Variants in SNX3 observed in about 807,000 individuals in gnomAD.
The protein encoded by SNX3 is sorting nexin-3.
A neutral mutation model predicts 17.7 loss-of-function variants in SNX3; 5 were observed. The ratio of observed to expected loss-of-function variants is 0.28; its 90% confidence interval spans 0.15 to 0.59. The LOEUF (loss-of-function observed/expected upper bound fraction) is 0.59, where lower values mean the gene tolerates loss of function less well. Ranked by LOEUF, SNX3 falls within the 20% of genes least tolerant of loss-of-function variation. The probability of loss-of-function intolerance (pLI) is 0.88; values close to 1 mark genes in which losing one functional copy is unlikely to be tolerated. For synonymous variants in SNX3, 91 were observed against 76.5 expected (o/e 1.19, Z -0.99); for missense variants, 132 against 206.8 (o/e 0.64, Z 2.22).
chr6:108,229,116 C>T (rs1212435193), intron 1 of SNX3, among the ~76,000 whole-genome samples: 7 of 151,702 alleles, frequency 4.6e-5, no homozygotes, highest in Non-Finnish European at 8.8e-5. Flanking sequence ...AAACATTAGC[C>T]GGGTGAGGTG....
intron 2 of SNX3, among the ~76,000 whole-genome samples, chr6:108,216,254 A>G (rs955559075): frequency 6.6e-6 from 1 of 152,048 alleles, no homozygotes; most frequent in African/African-American, 2.4e-5. Context: ...TAATTTTTCT[A>G]TTTTTTGTGG....
intron 1 of SNX3, among the ~76,000 whole-genome samples, chr6:108,239,064 C>A (rs1401234982): frequency 6.6e-6 from 1 of 152,012 alleles, no homozygotes; most frequent in East Asian, 1.9e-4. Flanking sequence ...CCACACCCAG[C>A]TAATTTTTTT....
At chr6:108,245,696 T>C (rs1775667489) in intron 1 of SNX3, among the ~76,000 whole-genome samples, 1 of 152,250 alleles carries the variant, frequency 6.6e-6, no homozygotes, top group Non-Finnish European at 1.5e-5. Flanking sequence ...TTGCATCTAA[T>C]GACCAATGAT....
chr6:108,214,658 G>T (rs1774509620), intron 2 of SNX3, 36 bp from the exon 3 acceptor site: 2 of 1,592,396 alleles, frequency 1.3e-6, no homozygotes, highest in South Asian at 2.3e-5. Context: ...TGATCATGAT[G>T]ACTGGGTTGT....
intron 1 of SNX3, among the ~76,000 whole-genome samples, chr6:108,231,374 T>C (rs1775150418): frequency 6.6e-6 from 1 of 152,220 alleles, no homozygotes; most frequent in South Asian, 2.1e-4. Context: ...CATGAGCCAC[T>C]GCACTCAGCC....
intron 1 of SNX3, among the ~76,000 whole-genome samples, chr6:108,235,652 T>G (rs926482508): frequency 1.3e-5 from 2 of 152,136 alleles, no homozygotes; most frequent in African/African-American, 4.8e-5. Flanking sequence ...TCCCAGCATG[T>G]TGGGATGCCG....
intron 2 of SNX3, among the ~76,000 whole-genome samples, chr6:108,221,324 T>G (rs1227137600): frequency 6.6e-6 from 1 of 151,782 alleles, no homozygotes; most frequent in Non-Finnish European, 1.5e-5. Flanking sequence ...TACTATATTT[T>G]TCCTGCCTTC....
At chr6:108,212,304 G>T in intron 3 of SNX3, 50 bp from the exon 4 acceptor site, 1 of 1,282,596 alleles carries the variant, frequency 7.8e-7, no homozygotes, top group Admixed American at 2.2e-5. Flanking sequence ...CAAGGTGGGG[G>T]AGTTCAAAAC....
At chr6:108,260,046 G>T (rs771222498) in intron 1 of SNX3, among the ~76,000 whole-genome samples, 1 of 152,084 alleles carries the variant, frequency 6.6e-6, no homozygotes, top group Non-Finnish European at 1.5e-5. Flanking sequence ...TATTTCTGTT[G>T]ATTTCTTTAT....
chr6:108,258,737 G>C (rs778960799), intron 1 of SNX3, among the ~76,000 whole-genome samples: 2 of 151,892 alleles, frequency 1.3e-5, no homozygotes, highest in Non-Finnish European at 2.9e-5. Flanking sequence ...TCAAACTTCT[G>C]AGCTCAAGGG....
At chr6:108,252,087 C>CAAAAAAAAAAAAAA (rs777979859) in intron 1 of SNX3, 1 of 129,116 alleles carries the variant, frequency 7.7e-6, no homozygotes, top group African/African-American at 3.0e-5. Flanking sequence ...ATAAATAAAA[C>CAAAAAAAAAAAAAA]AAACAAACAA....
At chr6:108,250,318 G>A (rs1309800787) in intron 1 of SNX3, among the ~76,000 whole-genome samples, 1 of 152,204 alleles carries the variant, frequency 6.6e-6, no homozygotes, top group African/African-American at 2.4e-5. Flanking sequence ...TAAAGGGCAA[G>A]ATAGTAAACA....
chr6:108,219,197 A>T (rs931735376), intron 2 of SNX3, among the ~76,000 whole-genome samples: 3 of 152,112 alleles, frequency 2.0e-5, no homozygotes, highest in Admixed American at 6.6e-5. Context: ...AAAAATTTTT[A>T]AAAAATGAAT....
intron 1 of SNX3, among the ~76,000 whole-genome samples, chr6:108,241,100 C>T (rs1040579602): frequency 2.8e-5 from 4 of 144,034 alleles, no homozygotes; most frequent in African/African-American, 5.3e-5. Context: ...CACGATTGCG[C>T]GCCACTGCAC....
intron 3 of SNX3, among the ~76,000 whole-genome samples, chr6:108,212,460 CCT>C (rs371558333): frequency 1.2e-4 from 19 of 152,134 alleles, no homozygotes; most frequent in South Asian, 4.2e-4. Flanking sequence ...GCCTCAGCCC[CCT>C]GAGTAGCTGG....
At chr6:108,239,904 G>C (rs1775465943) in intron 1 of SNX3, among the ~76,000 whole-genome samples, 1 of 152,108 alleles carries the variant, frequency 6.6e-6, no homozygotes, top group Non-Finnish European at 1.5e-5. Context: ...AAGTGTTTCT[G>C]AGCACCTATA....
chr6:108,244,733 C>T (rs568735661), intron 1 of SNX3, among the ~76,000 whole-genome samples: 5 of 144,202 alleles, frequency 3.5e-5, no homozygotes, highest in South Asian at 4.5e-4. Flanking sequence ...ACTTCCACCT[C>T]GTGGGTTCAA....
At chr6:108,218,590 A>G (rs910930695) in intron 2 of SNX3, among the ~76,000 whole-genome samples, 1 of 152,276 alleles carries the variant, frequency 6.6e-6, no homozygotes, top group African/African-American at 2.4e-5. Flanking sequence ...AGCACTACCA[A>G]TAACAGCCAA....
At chr6:108,257,530 C>A (rs1208924305) in intron 1 of SNX3, among the ~76,000 whole-genome samples, 1 of 152,052 alleles carries the variant, frequency 6.6e-6, no homozygotes, top group African/African-American at 2.4e-5. Flanking sequence ...AAAAAAATTA[C>A]AAAATATTAA....
Sources: allele counts gnomAD v4.1 joint callset (sites outside exome capture counted in the v4.1 genomes callset), GRCh38; gene constraint gnomAD v4.1.1; transcripts MANE v1.5; gene names NCBI Gene and HGNC (gene_info 2026-07-23, HGNC 2026-07-21).